The following EVI5 variants were observed in gnomAD, a reference collection of about 807,000 sequenced individuals.
The protein encoded by EVI5 is ecotropic viral integration site 5, also known as ecotropic viral integration site 5 protein homolog.
A neutral mutation model predicts 112.0 loss-of-function variants in EVI5; 73 were observed. The ratio of observed to expected loss-of-function variants is 0.65; its 90% CI spans 0.54 to 0.79. The LOEUF is 0.79. Ranked by LOEUF, EVI5 falls within the 30% of genes least tolerant of loss-of-function variation. The pLI is 0.00. For missense variants in EVI5, 900 were observed against 968.8 expected, an observed-to-expected ratio of 0.93 and a Z score of 0.94; for synonymous variants, 305 against 319.9, an observed-to-expected ratio of 0.95 and a Z score of 0.50.
intron 11 of EVI5, among the ~76,000 whole-genome samples, 171 bp downstream of exon 11, chr1:92,665,768 A>G (rs1664780749): frequency 6.6e-6 from 1 of 152,204 alleles, no homozygotes; most frequent in African/African-American, 2.4e-5. Flanking sequence ...CAACTGATCA[A>G]TTTTTATTAG....
intron 19 of EVI5, among the ~76,000 whole-genome samples, chr1:92,516,669 A>G (rs1315929082): frequency 1.3e-5 from 2 of 152,162 alleles, no homozygotes; most frequent in Admixed American, 1.3e-4. Flanking sequence ...GGGCTGCATG[A>G]ACTTCAGGTA....
intron 17 of EVI5, 71 bp downstream of exon 17, chr1:92,607,508 TCA>T (rs1650684252): frequency 9.5e-7 from 1 of 1,054,062 alleles, no homozygotes; most frequent in Non-Finnish European, 1.3e-6. Flanking sequence ...GATAATCTAA[TCA>T]CGATAAAACA....
intron 18 of EVI5, among the ~76,000 whole-genome samples, chr1:92,594,672 C>G (rs1036643828): frequency 2.6e-5 from 4 of 151,864 alleles, no homozygotes; most frequent in African/African-American, 9.7e-5. Context: ...ACTCATCTGA[C>G]AAAGGGCTAA....
In EVI5 at chr1:92,695,407, T is replaced by C; in HGVS notation, c.812A>G (p.His271Arg). Residue 271 changes from histidine (H) to arginine (R), a missense_variant, in exon 7 of 20, where the codon CAT (histidine) becomes CGT (arginine). His to Arg is a conservative substitution (Grantham distance 29, BLOSUM62 0). Coordinates refer to ENST00000684568, the MANE Select transcript of EVI5 (RefSeq NM_001350197.2). The stretch of plus-strand genomic sequence containing the variant: ...CCAGGATGATGCATACATTGAGGTA[T>C]GAAAACTCTGAGATTGAAAATGTAC... The part of the protein sequence containing the change: ...LFVHFQSQSF[H>R]TSMYASSWFL... 1 of 1,608,100 alleles carries C rather than the reference T, an allele frequency of 6.2e-7. No individual in the cohort carries two copies. Among genetic ancestry groups the C allele is most frequent in the Non-Finnish European group, 8.5e-7 (1 of 1,175,098 alleles).
chr1:92,783,949 A>C (rs1685258428), intron 1 of EVI5, among the ~76,000 whole-genome samples: 2 of 152,224 alleles, frequency 1.3e-5, no homozygotes, highest in African/African-American at 4.8e-5. Flanking sequence ...CCAGCAGATC[A>C]CTTTTCTTTA....
chr1:92,771,943 C>A (rs1217620726), intron 1 of EVI5, among the ~76,000 whole-genome samples: 1 of 151,992 alleles, frequency 6.6e-6, no homozygotes, highest in Non-Finnish European at 1.5e-5. Flanking sequence ...CAACCTCCGC[C>A]TCCTGGGTTC....
At position 92,536,548 on chromosome 1, in the gene EVI5, C is replaced by T. The variant is rs80333622; in HGVS notation, c.2167-22578G>A. Among the ~76,000 whole-genome samples, 267 of 152,264 alleles carry T rather than the reference C, an allele frequency of 1.8e-3. 1 individual carries two copies. Among genetic ancestry groups the T allele is most frequent in the African/African-American group, 5.9e-3 (244 of 41,534 alleles). ...GGGATAACCTGTAAAGATGAATATTCTGAAGCCCCAAAGGACTTCATCATC... is the reference window on the plus strand; with the variant it reads ...GGGATAACCTGTAAAGATGAATATTTTGAAGCCCCAAAGGACTTCATCATC... On this transcript the variant is annotated intron_variant, in intron 19 of 19. Transcript: ENST00000684568.
intron 1 of EVI5, among the ~76,000 whole-genome samples, chr1:92,739,725 C>T (rs908837809): frequency 2.0e-5 from 3 of 151,744 alleles, no homozygotes; most frequent in Non-Finnish European, 4.4e-5. Context: ...TCTTAACTTC[C>T]CTAAAATAGA....
intron 1 of EVI5, among the ~76,000 whole-genome samples, chr1:92,743,467 A>T (rs1431225348): frequency 6.6e-6 from 1 of 152,248 alleles, no homozygotes. Context: ...TTCCACTTTT[A>T]TGAGATAGTC....
intron 2 of EVI5, among the ~76,000 whole-genome samples, chr1:92,705,743 A>G (rs989507236): frequency 6.6e-6 from 1 of 152,254 alleles, no homozygotes; most frequent in African/African-American, 2.4e-5. Flanking sequence ...TATTTTATAT[A>G]GCTACTACTC....
At chr1:92,519,941 C>T (rs2101704683) in intron 19 of EVI5, among the ~76,000 whole-genome samples, 2 of 144,488 alleles carry the variant, frequency 1.4e-5, no homozygotes, top group East Asian at 4.0e-4. Context: ...GTGAAAGACA[C>T]AAGAGACAAT....
At chr1:92,764,825 AATTT>A (rs1330876133) in intron 1 of EVI5, among the ~76,000 whole-genome samples, 34 of 152,218 alleles carry the variant, frequency 2.2e-4, no homozygotes, top group Admixed American at 2.2e-3. Context: ...AACAAATTAC[AATTT>A]ATTTGTTACA....
intron 19 of EVI5, among the ~76,000 whole-genome samples, chr1:92,530,763 C>T (rs1344669892): frequency 6.6e-6 from 1 of 151,906 alleles, no homozygotes; most frequent in African/African-American, 2.4e-5. Flanking sequence ...GACATCCACT[C>T]AGAGACCCCA....
At chr1:92,625,143 T>C (rs748925210) in intron 15 of EVI5, among the ~76,000 whole-genome samples, 21 of 152,116 alleles carry the variant, frequency 1.4e-4, no homozygotes, top group Non-Finnish European at 2.8e-4. Context: ...AAGGAAGGAA[T>C]GTTAGAAGTT....
chr1:92,568,281 C>T (rs564141283), intron 18 of EVI5, among the ~76,000 whole-genome samples: 3 of 148,350 alleles, frequency 2.0e-5, no homozygotes, highest in East Asian at 2.0e-4. Flanking sequence ...GAGGGTAAGG[C>T]GGGCGGATTG....
At chr1:92,702,277 A>C in intron 4 of EVI5, 62 bp from the exon 5 acceptor site, 2 of 848,330 alleles carry the variant, frequency 2.4e-6, no homozygotes, top group Non-Finnish European at 3.7e-6. Context: ...TCTCCAAAAA[A>C]CCTAAAATTG....
intron 19 of EVI5, among the ~76,000 whole-genome samples, chr1:92,514,402 T>A (rs1189914298): frequency 6.6e-6 from 1 of 152,164 alleles, no homozygotes; most frequent in Non-Finnish European, 1.5e-5. Context: ...GCAATCTGCC[T>A]GCCTCAGTCT....
chr1:92,644,383 A>T (rs1266495276), intron 13 of EVI5, among the ~76,000 whole-genome samples: 1 of 152,232 alleles, frequency 6.6e-6, no homozygotes, highest in Non-Finnish European at 1.5e-5. Flanking sequence ...AGTTAATGTC[A>T]TTCCTGACAT....
chr1:92,756,895 T>C (rs1009318254), intron 1 of EVI5: 2 of 400,454 alleles, frequency 5.0e-6, no homozygotes, highest in South Asian at 2.1e-5. Flanking sequence ...TGAATGTTTC[T>C]TATAACCAGA....
Sources: allele counts gnomAD v4.1 joint callset (sites outside exome capture counted in the v4.1 genomes callset), GRCh38; gene constraint gnomAD v4.1.1; transcripts MANE v1.5; gene names NCBI Gene and HGNC (gene_info 2026-07-23, HGNC 2026-07-21).